KCTD14: variants seen among roughly 807,000 people sequenced by gnomAD.
KCTD14 encodes BTB/POZ domain-containing protein KCTD14.
A neutral mutation model predicts 5.9 loss-of-function variants in KCTD14; 7 were observed. The ratio of observed to expected loss-of-function variants is 1.19; its 90% CI spans 0.68 to 2.23. The LOEUF (loss-of-function observed/expected upper bound fraction) is 2.23. Among genes scored for constraint, KCTD14 ranks in the 30% most tolerant of loss-of-function variants. The probability of loss-of-function intolerance (pLI) is 0.00; values close to 1 mark genes in which losing one functional copy is unlikely to be tolerated. For missense variants in KCTD14, 342 were observed against 332.2 expected, an observed-to-expected ratio of 1.03 and a Z score of -0.23; for synonymous variants, 140 against 133.1, an observed-to-expected ratio of 1.05 and a Z score of -0.36.
upstream of KCTD14, among the ~76,000 whole-genome samples, chr11:78,027,873 G>A (rs1857508639): frequency 6.6e-6 from 1 of 152,096 alleles, no homozygotes; most frequent in Non-Finnish European, 1.5e-5. Context: ...CAGACTTAAA[G>A]ACTGACAGAC....
rs758460279 is a variant in KCTD14 at position 78,016,995 on chromosome 11, C to T, written c.366G>A (p.Leu122=). Residue 122 remains leucine, a synonymous_variant, in exon 2 of 2, where the codon CTG becomes CTA. Coordinates refer to ENST00000353172, the MANE Select transcript of KCTD14 (RefSeq NM_023930.4). The stretch of plus-strand genomic sequence containing the variant: ...CACCAAAGATCTGTGGCATGTCCTC[C>T]AGCAGCTTGACCAAAGGCTTGATTT... ...FYEIKPLVKL[L]EDMPQIFGEQ... The T allele has an allele frequency of 6.2e-7, 1 of 1,614,234 alleles. No individual in the cohort carries two copies. The highest frequency in any genetic ancestry group is 8.5e-7 in the Non-Finnish European group (1 of 1,180,052).
At chr11:78,019,026 C>CCT (rs1555051979) in intron 1 of KCTD14, among the ~76,000 whole-genome samples, 5 of 140,408 alleles carry the variant, frequency 3.6e-5, no homozygotes, top group African/African-American at 1.3e-4. Flanking sequence ...TTTTTCTTTT[C>CCT]TTTTTTTTTT....
Position 78,037,373 on chromosome 11 carries a change from C to T in KCTD14, c.-1+1291G>A, listed in dbSNP as rs185731738. On this transcript the variant is annotated intron_variant, in intron 2 of 2. Transcript: ENST00000533144. ...TTTCTGGGCTCTCTTTGCAGGGCTA[C>T]TTATGGCTGATAACTTGCTCTCCAA... 3.3e-3 allele frequency among the ~76,000 whole-genome samples: 501 copies of T among 152,278 alleles called. 4 individuals carry two copies. Among genetic ancestry groups the T allele is most frequent in the Non-Finnish European group, 2.6e-3 (180 of 68,012 alleles).
chr11:78,018,910 G>A (rs1857240042), intron 1 of KCTD14, among the ~76,000 whole-genome samples: 1 of 152,050 alleles, frequency 6.6e-6, no homozygotes, highest in African/African-American at 2.4e-5. Context: ...TATTTACTAT[G>A]TATCCACATC....
chr11:78,040,532 C>T (rs917799712), intron 1 of KCTD14, among the ~76,000 whole-genome samples: 1 of 151,172 alleles, frequency 6.6e-6, no homozygotes, highest in African/African-American at 2.4e-5. Flanking sequence ...AATCCAGCCT[C>T]ATTTCTGTGT....
At chr11:78,028,432 A>G (rs539489384) in intron 2 of KCTD14, among the ~76,000 whole-genome samples, 4 of 152,138 alleles carry the variant, frequency 2.6e-5, no homozygotes, top group African/African-American at 9.6e-5. Flanking sequence ...GTGAAACCCC[A>G]TATCTACTAA....
chr11:78,022,254 T>TAACA (rs547914256), intron 1 of KCTD14, among the ~76,000 whole-genome samples: 75 of 151,872 alleles, frequency 4.9e-4, no homozygotes, highest in Middle Eastern at 3.4e-3. Context: ...ATCTCTATTT[T>TAACA]AACAAACAAA....
chr11:78,039,220 ATATT>A (rs2136756152), intron 1 of KCTD14, among the ~76,000 whole-genome samples: 2 of 152,208 alleles, frequency 1.3e-5, no homozygotes, highest in African/African-American at 4.8e-5. Context: ...GCCATTTAAA[ATATT>A]TATTTAACCA....
upstream of KCTD14, among the ~76,000 whole-genome samples, chr11:78,026,680 G>A (rs1857474379): frequency 6.6e-6 from 1 of 151,958 alleles, no homozygotes; most frequent in Non-Finnish European, 1.5e-5. Context: ...GAGGCAAGAG[G>A]ATCTCTTGAG....
chr11:78,031,969 C>A (rs1170886723), intron 2 of KCTD14, among the ~76,000 whole-genome samples: 1 of 152,192 alleles, frequency 6.6e-6, no homozygotes, highest in Non-Finnish European at 1.5e-5. Context: ...TAATGGTGAA[C>A]CAATGTGTCC....
chr11:78,039,304 C>T (rs970261661), intron 1 of KCTD14, among the ~76,000 whole-genome samples: 2 of 151,884 alleles, frequency 1.3e-5, no homozygotes, highest in African/African-American at 2.4e-5. Context: ...ACCGCTTGAG[C>T]CCAGGAGTTC....
intron 1 of KCTD14, 162 bp downstream of exon 1, chr11:78,022,998 A>G: frequency 1.7e-6 from 1 of 589,106 alleles, no homozygotes; most frequent in African/African-American, 1.9e-5. Flanking sequence ...GACGGCAAAG[A>G]TTGAAGAGAG....
intron 2 of KCTD14, among the ~76,000 whole-genome samples, chr11:78,038,079 C>T (rs1857868109): frequency 1.3e-5 from 2 of 152,010 alleles, no homozygotes; most frequent in South Asian, 4.2e-4. Flanking sequence ...CTGCCCCCCA[C>T]ACCATCCTTT....
chr11:78,029,644 T>C (rs1309719768), intron 2 of KCTD14, among the ~76,000 whole-genome samples: 1 of 152,250 alleles, frequency 6.6e-6, no homozygotes, highest in Non-Finnish European at 1.5e-5. Context: ...GACTGAGTTG[T>C]TTGCAAAATA....
At chr11:78,033,767 G>A (rs932562001) in intron 2 of KCTD14, among the ~76,000 whole-genome samples, 4 of 149,794 alleles carry the variant, frequency 2.7e-5, no homozygotes, top group Non-Finnish European at 4.4e-5. Context: ...AGGATTGCTC[G>A]AACCAGAGGT....
chr11:78,045,062 A>G (rs1858098282), intron 1 of KCTD14, among the ~76,000 whole-genome samples: 1 of 152,112 alleles, frequency 6.6e-6, no homozygotes, highest in Non-Finnish European at 1.5e-5. Flanking sequence ...AAGCTGTGCC[A>G]TTTTGCCTCG....
At chr11:78,027,600 A>T (rs561299654), upstream of KCTD14, among the ~76,000 whole-genome samples, 9 of 152,028 alleles carry the variant, frequency 5.9e-5, no homozygotes, top group Non-Finnish European at 1.3e-4. Context: ...TGACCTTGTG[A>T]TCTGCCTGGC....
chr11:78,034,048 T>C (rs1448606563), intron 2 of KCTD14, among the ~76,000 whole-genome samples: 1 of 151,970 alleles, frequency 6.6e-6, no homozygotes, highest in Non-Finnish European at 1.5e-5. Context: ...CAAAAATTAC[T>C]TTTTTGTTTC....
At chr11:78,028,096 C>T (rs1340719809), upstream of KCTD14, among the ~76,000 whole-genome samples, 1 of 152,066 alleles carries the variant, frequency 6.6e-6, no homozygotes, top group Non-Finnish European at 1.5e-5. Flanking sequence ...GGGGCTGAGA[C>T]TTTCATTTTT....
Sources: allele counts gnomAD v4.1 joint callset (sites outside exome capture counted in the v4.1 genomes callset), GRCh38; gene constraint gnomAD v4.1.1; transcripts MANE v1.5; gene names NCBI Gene and HGNC (gene_info 2026-07-23, HGNC 2026-07-21).